Variants in SH3RF1 observed in about 807,000 individuals in gnomAD.
SH3RF1 encodes E3 ubiquitin-protein ligase SH3RF1.
A neutral mutation model predicts 74.0 loss-of-function variants in SH3RF1; 32 were observed. The ratio of observed to expected loss-of-function variants is 0.43; its 90% confidence interval spans 0.33 to 0.58. SH3RF1 has a LOEUF of 0.58. Ranked by LOEUF, SH3RF1 falls within the 20% of genes least tolerant of loss-of-function variation. SH3RF1 has a pLI of 0.05. For missense variants in SH3RF1, 954 were observed against 1,130.9 expected (o/e 0.84, Z 2.24); for synonymous variants, 396 against 439.6 (o/e 0.90, Z 1.24).
rs1273639815 is a variant in SH3RF1, at chr4:169,122,226, G to A, written c.1220C>T (p.Ala407Val). The A allele has an allele frequency of 2.5e-6, 4 of 1,611,378 alleles. No individual in the cohort carries two copies. In the Middle Eastern group the frequency reaches 5.0e-4, roughly 202 times the overall value. ...PPLPPPPLLAATVLASTPPGA... is the reference protein window; with the variant it reads ...PPLPPPPLLAVTVLASTPPGA... ...TGGTGGTGTGGAGGCAAGGACAGTG[G>A]CAGCCAGGAGAGGGGGTGGTGGAAG... The change falls in exon 7 of 12, where the codon GCC becomes GTC. Residue 407 changes from alanine to valine, a missense_variant. By Grantham distance (64) the Ala-to-Val change is moderately conservative (BLOSUM62 0). Around this residue, in one of 3 missense-constraint regions of SH3RF1, gnomAD observed 854 missense variants for 962.5 expected, o/e 0.89. Transcript: ENST00000284637.
At chr4:169,162,037 C>T (rs934458507) in intron 2 of SH3RF1, among the ~76,000 whole-genome samples, 6 of 151,958 alleles carry the variant, frequency 3.9e-5, no homozygotes, top group East Asian at 1.9e-4. Flanking sequence ...AAAATTAGCA[C>T]GGTGGTGGTG....
intron 2 of SH3RF1, among the ~76,000 whole-genome samples, chr4:169,202,713 A>G (rs1318093638): frequency 1.3e-5 from 2 of 152,186 alleles, no homozygotes; most frequent in East Asian, 3.9e-4. Flanking sequence ...AACTTCAAGA[A>G]AAGTGGAGAA....
chr4:169,111,080 G>C (rs1733236245), intron 10 of SH3RF1, among the ~76,000 whole-genome samples: 1 of 151,858 alleles, frequency 6.6e-6, no homozygotes, highest in East Asian at 2.0e-4. Flanking sequence ...GGCCGAGGCA[G>C]GGGGATCACT....
At chr4:169,192,861 G>A (rs1734749082) in intron 2 of SH3RF1, among the ~76,000 whole-genome samples, 1 of 146,120 alleles carries the variant, frequency 6.8e-6, no homozygotes, top group African/African-American at 2.5e-5. Flanking sequence ...TCATATAGAT[G>A]TGATATATAT....
At chr4:169,158,112 A>C (rs1734090429) in intron 2 of SH3RF1, among the ~76,000 whole-genome samples, 1 of 152,258 alleles carries the variant, frequency 6.6e-6, no homozygotes, top group Non-Finnish European at 1.5e-5. Context: ...TCTTTTCTTA[A>C]AGGATATTAG....
At chr4:169,161,556 T>A (rs1160115838) in intron 2 of SH3RF1, among the ~76,000 whole-genome samples, 4 of 152,246 alleles carry the variant, frequency 2.6e-5, no homozygotes, top group African/African-American at 7.2e-5. Flanking sequence ...ATTTATTTTA[T>A]AGACTCTAAA....
chr4:169,136,610 G>A lies in SH3RF1; in HGVS notation c.776C>T (p.Ala259Val). The A allele has an allele frequency of 6.6e-7, 1 of 1,520,516 alleles. No individual in the cohort carries two copies. The highest frequency in any genetic ancestry group is 8.8e-7 in the Non-Finnish European group (1 of 1,133,342). The allele number at this position is 1,520,516 out of a possible 1,614,324, so 94.2% of individuals were successfully genotyped here. The part of the protein sequence containing the change: ...FPISYVEFNS[A>V]AKQLIEWDKP... ...ATCCCATTCTATCAGCTGCTTAGCA[G>A]CCGAGTTAAACTGCAAAAGCAACCA... The change falls in exon 5 of 12, where the codon GCT becomes GTT. Residue 259 changes from alanine to valine, a missense_variant. This residue lies in a region of SH3RF1 where 854 missense variants were observed against 962.5 expected (regional missense o/e 0.89). Coordinates refer to ENST00000284637, the MANE Select transcript of SH3RF1 (RefSeq NM_020870.4).
chr4:169,106,921 G>C lies in SH3RF1; in HGVS notation c.2424C>G (p.Ile808Met). 1 of 1,613,762 alleles carries C rather than the reference G, an allele frequency of 6.2e-7. No homozygotes were observed. The highest frequency in any genetic ancestry group is 8.5e-7 in the Non-Finnish European group (1 of 1,180,010). ...AACAGGCCTGGCGAGGAGGTGGAGC[G>C]ATGGGAACTGCGGAGTCCAGGGAAC... ...KASSLDSAVPIAPPPRQACSS... is the reference protein window; with the variant it reads ...KASSLDSAVPMAPPPRQACSS... Residue 808 changes from isoleucine (I) to methionine (M), a missense_variant, in exon 11 of 12, where the codon ATC becomes ATG. Coordinates refer to ENST00000284637, the MANE Select transcript of SH3RF1 (RefSeq NM_020870.4).
chr4:169,219,069 A>C (rs1463958999), intron 2 of SH3RF1, among the ~76,000 whole-genome samples: 3 of 152,218 alleles, frequency 2.0e-5, no homozygotes, highest in Admixed American at 6.5e-5. Context: ...TTTCTTACAT[A>C]ACAGAGAATT....
chr4:169,116,526 G>A lies in SH3RF1; in HGVS notation c.1882C>T (p.Leu628=), dbSNP rs1733336611. 6.2e-7 allele frequency: 1 copy of A among 1,613,082 alleles called. No individual in the cohort carries two copies. The highest frequency in any genetic ancestry group is 1.7e-4 in the Middle Eastern group (1 of 6,050). ...PASVGLSHHS[L]ASPQPAPLMP... is the part of the protein sequence containing the mutation. ...AGAGGCGCAGGTTGTGGGGAGGCCAGCGAGTGATGGGACAGGCCCACAGAT... is the reference window on the plus strand; with the variant it reads ...AGAGGCGCAGGTTGTGGGGAGGCCAACGAGTGATGGGACAGGCCCACAGAT... Residue 628 remains leucine, a synonymous_variant, in exon 10 of 12, where the codon CTG becomes TTG. Transcript: ENST00000284637.
At chr4:169,183,648 T>C (rs1353624697) in intron 2 of SH3RF1, among the ~76,000 whole-genome samples, 9 of 151,636 alleles carry the variant, frequency 5.9e-5, no homozygotes, top group African/African-American at 2.2e-4. Context: ...CTTGAGGGAC[T>C]GTGGTGGGAG....
At chr4:169,140,576 T>C (rs1733767787) in intron 4 of SH3RF1, among the ~76,000 whole-genome samples, 1 of 152,184 alleles carries the variant, frequency 6.6e-6, no homozygotes. Context: ...TTATCAGAAG[T>C]ATAAATAAAT....
chr4:169,150,968 G>T (rs1013452584), intron 4 of SH3RF1, among the ~76,000 whole-genome samples: 1 of 152,124 alleles, frequency 6.6e-6, no homozygotes, highest in East Asian at 1.9e-4. Context: ...CTGGTCTGAA[G>T]AATGTAACAT....
At chr4:169,197,277 T>C (rs932586130) in intron 2 of SH3RF1, among the ~76,000 whole-genome samples, 3 of 152,116 alleles carry the variant, frequency 2.0e-5, no homozygotes, top group Admixed American at 6.6e-5. Flanking sequence ...GCTAGGATTA[T>C]AGACATGAGG....
chr4:169,236,138 C>T (rs1429722770), intron 2 of SH3RF1, among the ~76,000 whole-genome samples: 1 of 152,230 alleles, frequency 6.6e-6, no homozygotes, highest in African/African-American at 2.4e-5. Flanking sequence ...CCTGGCTCTA[C>T]CATAAACATT....
chr4:169,179,845 T>G (rs973257985), intron 2 of SH3RF1, among the ~76,000 whole-genome samples: 1 of 152,208 alleles, frequency 6.6e-6, no homozygotes, highest in East Asian at 1.9e-4. Flanking sequence ...AAGCATCTTG[T>G]CAGAATTATG....
chr4:169,200,642 A>G (rs1203416575), intron 2 of SH3RF1, among the ~76,000 whole-genome samples: 1 of 152,216 alleles, frequency 6.6e-6, no homozygotes, highest in East Asian at 1.9e-4. Context: ...ATGTATTACT[A>G]TGTGATACAC....
chr4:169,233,679 T>G (rs1730780129), intron 2 of SH3RF1, among the ~76,000 whole-genome samples: 1 of 152,236 alleles, frequency 6.6e-6, no homozygotes, highest in East Asian at 1.9e-4. Flanking sequence ...CTGCAATAAT[T>G]CATTGACTGA....
intron 2 of SH3RF1, among the ~76,000 whole-genome samples, chr4:169,172,252 TAGA>T (rs1734342893): frequency 6.6e-6 from 1 of 152,222 alleles, no homozygotes; most frequent in Non-Finnish European, 1.5e-5. Context: ...GAATGAGTAG[TAGA>T]AGAAGGCAGT....
Sources: allele counts gnomAD v4.1 joint callset (sites outside exome capture counted in the v4.1 genomes callset), GRCh38; gene constraint gnomAD v4.1.1; regional missense constraint gnomAD v4.1.1; transcripts MANE v1.5; gene names NCBI Gene and HGNC (gene_info 2026-07-23, HGNC 2026-07-21).